The following ACSS1 variants were observed in gnomAD, a reference collection of about 807,000 sequenced individuals.
ACSS1 encodes the protein acetyl-coenzyme A synthetase 2-like, mitochondrial.
Under a neutral mutation model 75.3 loss-of-function variants are expected in ACSS1, and 42 were observed. The observed-to-expected ratio is 0.56, with a 90% confidence interval of 0.44 to 0.72. The LOEUF (loss-of-function observed/expected upper bound fraction) is 0.72, where lower values mean the gene tolerates loss of function less well. Among genes scored for constraint, ACSS1 ranks in the 30% least tolerant of loss-of-function variants. The pLI is 0.00. For missense variants in ACSS1, 782 were observed against 935.7 expected (o/e 0.84, Z 2.14); for synonymous variants, 380 against 376.8 (o/e 1.01, Z -0.10).
rs530893592 is a variant in ACSS1 at position 25,006,744 on chromosome 20, C to T, written c.*1018G>A. On this transcript the variant is annotated 3_prime_UTR_variant, in exon 14 of 14. Transcript: ENST00000323482. ...TGACAGCACCTAAGTCACATTAAAACAAAGAGAGACTGGATCCAGACCTCC... is the reference window on the plus strand; with the variant it reads ...TGACAGCACCTAAGTCACATTAAAATAAAGAGAGACTGGATCCAGACCTCC... 13 of 1,394,774 alleles carry T rather than the reference C, an allele frequency of 9.3e-6. No homozygotes were observed. The highest frequency in any genetic ancestry group is 1.3e-5 in the Non-Finnish European group (13 of 1,036,426). 86.4% of individuals were successfully genotyped at this position (1,394,774 alleles called of 1,614,324 possible). A position where few individuals can be genotyped will look rare whatever the true frequency, so the allele number is the denominator to read the frequency against.
At chr20:25,041,809 G>T (rs2089009643) in intron 2 of ACSS1, among the ~76,000 whole-genome samples, 1 of 152,162 alleles carries the variant, frequency 6.6e-6, no homozygotes, top group South Asian at 2.1e-4. Flanking sequence ...ATACATCAGG[G>T]TGAAGACCAG....
intron 4 of ACSS1, 33 bp from the exon 5 acceptor site, chr20:25,023,125 G>A (rs1157805873): frequency 6.3e-7 from 1 of 1,597,028 alleles, no homozygotes; most frequent in South Asian, 1.1e-5. Context: ...AGCCCACCGA[G>A]GGCACTCAGC....
chr20:25,029,739 A>G (rs867983600), intron 3 of ACSS1, among the ~76,000 whole-genome samples: 11 of 152,376 alleles, frequency 7.2e-5, no homozygotes, highest in Admixed American at 5.2e-4. Flanking sequence ...GAAAAACTTC[A>G]GGTACTAGAT....
At chr20:25,037,746 G>A (rs1015599798) in intron 2 of ACSS1, among the ~76,000 whole-genome samples, 5 of 152,232 alleles carry the variant, frequency 3.3e-5, no homozygotes, top group African/African-American at 7.2e-5. Context: ...CCCTTCTCAC[G>A]CAGGAGGAGC....
chr20:25,046,912 G>A (rs982052634), intron 2 of ACSS1: 5 of 779,500 alleles, frequency 6.4e-6, no homozygotes, highest in Non-Finnish European at 1.2e-5. Flanking sequence ...CTGTGAGTCT[G>A]GCTGGTGGGG....
At chr20:25,030,651 G>A (rs1453935804) in intron 3 of ACSS1, 108 bp downstream of exon 3, 7 of 1,259,962 alleles carry the variant, frequency 5.6e-6, no homozygotes, top group Non-Finnish European at 6.7e-6. Context: ...ATTTGTCTGT[G>A]TGACATTAAT....
At position 25,007,089 on chromosome 20, in the gene ACSS1, C is replaced by T; in HGVS notation, c.*673G>A. 5 of 1,420,222 alleles carry T rather than the reference C, an allele frequency of 3.5e-6. No individual in the cohort carries two copies. Among genetic ancestry groups the T allele is most frequent in the Non-Finnish European group, 4.6e-6 (5 of 1,090,092 alleles). 88.0% of individuals were successfully genotyped at this position (1,420,222 alleles called of 1,614,324 possible). A position where few individuals can be genotyped will look rare whatever the true frequency, so the allele number is the denominator to read the frequency against. On this transcript the variant is annotated 3_prime_UTR_variant, in exon 14 of 14. Transcript: ENST00000323482. Reference sequence around the variant, plus strand: ...TACACAACCAAGCACAGGAGAAACACTCACCAGGAAAAGATGCCGGAGGCT... The same window carrying T: ...TACACAACCAAGCACAGGAGAAACATTCACCAGGAAAAGATGCCGGAGGCT...
chr20:25,023,572 A>C lies in ACSS1; in HGVS notation c.701T>G (p.Ile234Arg). ...RGGRVVELKKIVDEAVKHCPT... is the reference protein window; with the variant it reads ...RGGRVVELKKRVDEAVKHCPT... ...GCAGTGCTTCACAGCCTCATCCACT[A>C]TTTTCTTCAGCTCCACCACGCGCCC... Residue 234 changes from isoleucine (I) to arginine (R), a missense_variant, in exon 4 of 14, where the codon ATA becomes AGA. Ile to Arg is a moderately conservative substitution (Grantham distance 97). Coordinates refer to ENST00000323482, the MANE Select transcript of ACSS1 (RefSeq NM_032501.4). 1 of 1,613,830 alleles carries C rather than the reference A, an allele frequency of 6.2e-7. No individual in the cohort carries two copies. The highest frequency in any genetic ancestry group is 2.2e-5 in the East Asian group (1 of 44,868).
chr20:25,021,524 G>T lies in ACSS1; in HGVS notation c.973C>A (p.His325Asn). 6.2e-7 allele frequency: 1 copy of T among 1,613,862 alleles called. No individual in the cohort carries two copies. The highest frequency in any genetic ancestry group is 8.5e-7 in the Non-Finnish European group (1 of 1,179,882). Residue 325 changes from histidine to asparagine, a missense_variant, in exon 6 of 14, where the codon CAC (histidine) becomes AAC (asparagine). Physicochemically the swap from His to Asn is moderately conservative, Grantham distance 68 (BLOSUM62 1). Coordinates refer to ENST00000323482, the MANE Select transcript of ACSS1 (RefSeq NM_032501.4). ...CAGCCAAAGATGTCACCTGGCTGGT[G>T]GTCAAACACAAGCTGCAGAGACAGG... ...AALTHKLVFDHQPGDIFGCVA... is the reference protein window; with the variant it reads ...AALTHKLVFDNQPGDIFGCVA...
At chr20:25,055,725 T>C (rs73906074) in intron 1 of ACSS1, among the ~76,000 whole-genome samples, 5,640 of 152,262 alleles carry the variant, frequency 0.037, 140 homozygotes, top group African/African-American at 0.072. Flanking sequence ...CCACTGGTAT[T>C]CTTGAGGGGG....
rs191387623 is a variant in ACSS1 at position 25,009,106 on chromosome 20, A to G, written c.1890+164T>C. Among the ~76,000 whole-genome samples the G allele has an allele frequency of 1.6e-3, 249 of 152,324 alleles. 1 individual carries two copies. The highest frequency in any genetic ancestry group is 2.3e-3 in the Non-Finnish European group (155 of 68,022). Reference sequence around the variant, plus strand: ...TGAGCTCACTTCTCCCTCTATGACAACACAGAGACCCACCATCCTCACCAC... The same window carrying G: ...TGAGCTCACTTCTCCCTCTATGACAGCACAGAGACCCACCATCCTCACCAC... On this transcript the variant is annotated intron_variant, in intron 13 of 13. Coordinates refer to ENST00000323482, the MANE Select transcript of ACSS1 (RefSeq NM_032501.4).
At chr20:25,007,970 C>A (rs775241938) in intron 13 of ACSS1, 29 bp from the exon 14 acceptor site, 11 of 1,608,868 alleles carry the variant, frequency 6.8e-6, no homozygotes, top group Non-Finnish European at 9.3e-6. Context: ...AGTGTTAGAG[C>A]GTGGATGGTG....
chr20:25,056,833 C>G (rs2089249004), intron 1 of ACSS1, among the ~76,000 whole-genome samples: 1 of 152,206 alleles, frequency 6.6e-6, no homozygotes, highest in African/African-American at 2.4e-5. Context: ...GTCTGCCAGC[C>G]CCTCCCCGCA....
chr20:25,042,473 C>T (rs2089020208), intron 2 of ACSS1, among the ~76,000 whole-genome samples: 1 of 152,174 alleles, frequency 6.6e-6, no homozygotes, highest in Non-Finnish European at 1.5e-5. Context: ...CCCCACAGAC[C>T]ACACCGAGTT....
chr20:25,057,809 G>C lies in ACSS1; in HGVS notation c.294C>G (p.Gly98=), dbSNP rs775565067. 1 of 1,600,714 alleles carries C rather than the reference G, an allele frequency of 6.2e-7. No homozygotes were observed. Among genetic ancestry groups the C allele is most frequent in the Admixed American group, 1.7e-5 (1 of 59,468 alleles). Residue 98 remains glycine (G), a synonymous_variant, in exon 1 of 14, where the codon GGC becomes GGG. Coordinates refer to ENST00000323482, the MANE Select transcript of ACSS1 (RefSeq NM_032501.4). ...HTVWDCDFST[G]KIGWFLGGQL... ...GGCCTCCCAGGAACCAGCCGATCTTGCCAGTGCTGAAGTCGCAGTCCCAGA... is the reference window on the plus strand; with the variant it reads ...GGCCTCCCAGGAACCAGCCGATCTTCCCAGTGCTGAAGTCGCAGTCCCAGA...
intron 2 of ACSS1, among the ~76,000 whole-genome samples, chr20:25,045,029 C>T (rs1391652226): frequency 1.3e-5 from 2 of 152,252 alleles, no homozygotes; most frequent in South Asian, 4.1e-4. Flanking sequence ...GAGGTCCAAC[C>T]TCGCTGCCCA....
intron 1 of ACSS1, among the ~76,000 whole-genome samples, chr20:25,053,060 C>CTT (rs1171891974): frequency 1.6e-3 from 184 of 118,084 alleles, no homozygotes; most frequent in Middle Eastern, 4.5e-3. Flanking sequence ...TCACAATGAG[C>CTT]TTTTTTTTTT....
chr20:25,031,931 A>T (rs574022895), intron 2 of ACSS1, among the ~76,000 whole-genome samples: 17 of 152,360 alleles, frequency 1.1e-4, no homozygotes, highest in Admixed American at 5.2e-4. Context: ...CTCAGGGAGC[A>T]GACCCCCAAG....
In ACSS1 at chr20:25,007,725, G is replaced by C. The variant is rs1374907752; in HGVS notation, c.*37C>G. Reference sequence around the variant, plus strand: ...CTGGGAAGGACAAGCCAGGGCTTGGGTGCCCGCCCATCCCAAGAGCCCCAC... The same window carrying C: ...CTGGGAAGGACAAGCCAGGGCTTGGCTGCCCGCCCATCCCAAGAGCCCCAC... On this transcript the variant is annotated 3_prime_UTR_variant, in exon 14 of 14. Transcript: ENST00000323482. The C allele has an allele frequency of 3.1e-5, 50 of 1,607,350 alleles. No individual in the cohort carries two copies. The highest frequency in any genetic ancestry group is 4.0e-5 in the Non-Finnish European group (47 of 1,176,182).
Sources: gnomAD v4.1 joint callset for allele counts (sites outside exome capture counted in the v4.1 genomes callset) on GRCh38, gnomAD v4.1.1 for gene constraint, MANE v1.5 for transcripts, NCBI Gene and HGNC (gene_info 2026-07-23, HGNC 2026-07-21) for gene names.